TTC27: variants seen among roughly 807,000 people sequenced by gnomAD.
TTC27 encodes tetratricopeptide repeat protein 27.
A neutral mutation model predicts 115.9 loss-of-function variants in TTC27; 79 were observed. The ratio of observed to expected loss-of-function variants is 0.68; its 90% CI spans 0.57 to 0.82. TTC27 has a LOEUF of 0.82. Among genes scored for constraint, TTC27 ranks in the 40% least tolerant of loss-of-function variants. The pLI is 0.00. For missense variants in TTC27, 1,054 were observed against 993.1 expected (o/e 1.06, Z -0.82); for synonymous variants, 401 against 356.0 (o/e 1.13, Z -1.42).
intron 8 of TTC27, among the ~76,000 whole-genome samples, chr2:32,675,840 A>G (rs1666178585): frequency 6.6e-6 from 1 of 151,614 alleles, no homozygotes; most frequent in Non-Finnish European, 1.5e-5. Context: ...TGGCCAGGCT[A>G]GAGTACAATG....
At chr2:32,685,337 T>A (rs1417872710) in intron 9 of TTC27, among the ~76,000 whole-genome samples, 1 of 152,072 alleles carries the variant, frequency 6.6e-6, no homozygotes, top group Admixed American at 6.5e-5. Context: ...GCCTGCCTGT[T>A]CGTTAAGTTA....
intron 17 of TTC27, 112 bp downstream of exon 17, chr2:32,811,333 A>T (rs563160621): frequency 1.6e-5 from 17 of 1,030,692 alleles, no homozygotes; most frequent in African/African-American, 6.4e-5. Context: ...TAAGATTAGT[A>T]TGCTTAAGTT....
intron 13 of TTC27, among the ~76,000 whole-genome samples, chr2:32,770,875 G>T (rs969510498): frequency 3.0e-4 from 46 of 152,130 alleles, no homozygotes; most frequent in Non-Finnish European, 6.3e-4. Context: ...GAGGATGTTG[G>T]AACTCACATT....
intron 7 of TTC27, among the ~76,000 whole-genome samples, chr2:32,670,273 T>C (rs1665963504): frequency 6.6e-6 from 1 of 152,190 alleles, no homozygotes; most frequent in Non-Finnish European, 1.5e-5. Flanking sequence ...ATAATTTATA[T>C]AAAATATACC....
intron 7 of TTC27, among the ~76,000 whole-genome samples, chr2:32,671,066 A>G (rs1401349950): frequency 6.6e-6 from 1 of 152,204 alleles, no homozygotes; most frequent in African/African-American, 2.4e-5. Flanking sequence ...CAATGTTTTC[A>G]GAGAACAGAA....
intron 10 of TTC27, among the ~76,000 whole-genome samples, chr2:32,717,549 C>CT (rs142462180): frequency 0.034 from 5,069 of 151,132 alleles, 119 homozygotes; most frequent in Non-Finnish European, 0.045. Flanking sequence ...TTCTTGTTTC[C>CT]TTTTTTTTTG....
chr2:32,650,156 G>C lies in TTC27; in HGVS notation c.563G>C (p.Cys188Ser). The C allele has an allele frequency of 1.9e-6, 3 of 1,613,720 alleles. No homozygotes were observed. The highest frequency in any genetic ancestry group is 2.5e-6 in the Non-Finnish European group (3 of 1,179,786). The change falls in exon 5 of 20, where the codon TGT becomes TCT. Residue 188 changes from cysteine to serine, a missense_variant. Transcript: ENST00000317907. ...AGCTTGCCATGGTGGACTTTGAGATGTGTGAATATTCATCAGCATTTGCTT... is the reference window on the plus strand; with the variant it reads ...AGCTTGCCATGGTGGACTTTGAGATCTGTGAATATTCATCAGCATTTGCTT... ...IQSLPWWTLR[C>S]VNIHQHLLEE...
At chr2:32,776,349 G>A (rs945960922) in intron 13 of TTC27, among the ~76,000 whole-genome samples, 1 of 152,196 alleles carries the variant, frequency 6.6e-6, no homozygotes, top group African/African-American at 2.4e-5. Flanking sequence ...GGCTGAAGGA[G>A]GAGTGATGTA....
chr2:32,682,853 T>TTG (rs1666487474), intron 9 of TTC27, among the ~76,000 whole-genome samples: 1 of 111,372 alleles, frequency 9.0e-6, no homozygotes, highest in African/African-American at 3.5e-5. Flanking sequence ...TGTTGTTTTT[T>TTG]TTTTTTTTTT....
At chr2:32,782,171 A>G (rs1301863051) in intron 14 of TTC27, among the ~76,000 whole-genome samples, 1 of 152,236 alleles carries the variant, frequency 6.6e-6, no homozygotes, top group Admixed American at 6.5e-5. Context: ...GTAGAGAAAT[A>G]TCTTTGATGG....
At chr2:32,632,367 C>T (rs1245841100) in intron 2 of TTC27, among the ~76,000 whole-genome samples, 1 of 152,060 alleles carries the variant, frequency 6.6e-6, no homozygotes, top group Non-Finnish European at 1.5e-5. Flanking sequence ...TTGTGGCACC[C>T]ATTAAAACAA....
chr2:32,639,337 C>T (rs1327159434), intron 3 of TTC27, among the ~76,000 whole-genome samples: 1 of 152,070 alleles, frequency 6.6e-6, no homozygotes, highest in Non-Finnish European at 1.5e-5. Flanking sequence ...CAAATTTTAA[C>T]AACCTTGTCC....
Position 32,813,901 on chromosome 2 carries a change from A to G in TTC27, c.2308+1286A>G, listed in dbSNP as rs151321172. On this transcript the variant is annotated intron_variant, in intron 18 of 19. Coordinates refer to ENST00000317907, the MANE Select transcript of TTC27 (RefSeq NM_017735.5). ...TGTAGAAAAGTTGGGGGTAATTGCT[A>G]ATAGAGCCGTAGAAGGATGTTTTGG... Among the ~76,000 whole-genome samples the G allele has an allele frequency of 7.4e-3, 1,122 of 152,296 alleles. 11 individuals carry two copies. Among genetic ancestry groups the G allele is most frequent in the Non-Finnish European group, 9.4e-3 (637 of 68,020 alleles).
At chr2:32,648,239 T>C (rs1195861789) in intron 4 of TTC27, among the ~76,000 whole-genome samples, 6 of 152,114 alleles carry the variant, frequency 3.9e-5, no homozygotes, top group Admixed American at 3.9e-4. Flanking sequence ...GTGATTCTCC[T>C]GCTTCAACCT....
chr2:32,633,226 C>T (rs780243157), intron 2 of TTC27, among the ~76,000 whole-genome samples: 5 of 152,108 alleles, frequency 3.3e-5, no homozygotes, highest in East Asian at 1.9e-4. Flanking sequence ...GATAATTTTC[C>T]GTGGAGATAG....
chr2:32,773,978 G>C (rs975962538), intron 13 of TTC27, among the ~76,000 whole-genome samples: 5 of 152,128 alleles, frequency 3.3e-5, no homozygotes, highest in Non-Finnish European at 7.3e-5. Flanking sequence ...AGTTGAAATT[G>C]ATCCATGCTG....
At chr2:32,757,460 C>A (rs1248896891) in intron 12 of TTC27, among the ~76,000 whole-genome samples, 1 of 152,156 alleles carries the variant, frequency 6.6e-6, no homozygotes, top group Non-Finnish European at 1.5e-5. Flanking sequence ...TAGAGACATA[C>A]CTCTTTTTAT....
chr2:32,702,910 G>T lies in TTC27; in HGVS notation c.1223G>T (p.Arg408Met), dbSNP rs1667238172. The change falls in exon 10 of 20, where the codon AGG becomes ATG. Residue 408 changes from arginine to methionine, a missense_variant. Arg to Met is a moderately conservative substitution (Grantham distance 91). Transcript: ENST00000317907. ...ACTCGCCGAGTGGAACGGGCAATGA[G>T]GCAGACACAGGTAAGAATTAATGTG... ...GSTRRVERAM[R>M]QTQALADQFE... 6.2e-7 allele frequency: 1 copy of T among 1,613,120 alleles called. No individual in the cohort carries two copies. The highest frequency in any genetic ancestry group is 1.7e-5 in the Admixed American group (1 of 59,970).
intron 16 of TTC27, among the ~76,000 whole-genome samples, chr2:32,796,397 C>T (rs1357964121): frequency 6.6e-6 from 1 of 151,984 alleles, no homozygotes; most frequent in East Asian, 1.9e-4. Flanking sequence ...TGGAATTCAG[C>T]GCAGAGACTG....
Sources: allele counts gnomAD v4.1 joint callset (sites outside exome capture counted in the v4.1 genomes callset), GRCh38; gene constraint gnomAD v4.1.1; transcripts MANE v1.5; gene names NCBI Gene and HGNC (gene_info 2026-07-23, HGNC 2026-07-21).